Variants in SLC9A9 observed in about 807,000 individuals in gnomAD.
SLC9A9 encodes the protein sodium/hydrogen exchanger 9.
Under a neutral mutation model 77.8 loss-of-function variants are expected in SLC9A9, and 62 were observed. The observed-to-expected ratio is 0.80, with a 90% CI of 0.65 to 0.98. SLC9A9 has a LOEUF of 0.98. Ranked by LOEUF, SLC9A9 falls within the 50% of genes least tolerant of loss-of-function variation. The pLI, the probability that SLC9A9 is intolerant of heterozygous loss-of-function variation, is 0.00. For missense variants in SLC9A9, 775 were observed against 774.9 expected (o/e 1.00, Z 0.00); for synonymous variants, 320 against 283.5 (o/e 1.13, Z -1.29).
At chr3:143,652,122 G>T in intron 6 of SLC9A9, 133 bp downstream of exon 6, 1 of 725,412 alleles carries the variant, frequency 1.4e-6, no homozygotes, top group Non-Finnish European at 2.4e-6. Flanking sequence ...TGCCCATTAT[G>T]GAAATTTTCT....
chr3:143,795,450 A>G (rs1306881022), intron 3 of SLC9A9, among the ~76,000 whole-genome samples: 1 of 150,448 alleles, frequency 6.6e-6, no homozygotes, highest in Non-Finnish European at 1.5e-5. Flanking sequence ...TGTAAATGCA[A>G]TTCCTTTAGC....
At chr3:143,364,917 C>T (rs1213581523) in intron 13 of SLC9A9, among the ~76,000 whole-genome samples, 4 of 152,142 alleles carry the variant, frequency 2.6e-5, no homozygotes, top group Admixed American at 6.5e-5. Flanking sequence ...AAATTCTGTG[C>T]TAATCATTCA....
chr3:143,398,014 A>C (rs781408382), intron 12 of SLC9A9, among the ~76,000 whole-genome samples: 1 of 152,200 alleles, frequency 6.6e-6, no homozygotes, highest in Non-Finnish European at 1.5e-5. Context: ...AGAAGGCAAC[A>C]ACAAAGTTTT....
At chr3:143,845,224 C>G (rs1362786236) in intron 1 of SLC9A9, among the ~76,000 whole-genome samples, 2 of 152,156 alleles carry the variant, frequency 1.3e-5, no homozygotes, top group African/African-American at 2.4e-5. Flanking sequence ...ATTTGTTTGT[C>G]TGCAAAATGA....
In SLC9A9 at chr3:143,266,621, C is replaced by T; in HGVS notation, c.*81G>A. The T allele has an allele frequency of 7.1e-7, 1 of 1,412,790 alleles. No homozygotes were observed. The highest frequency in any genetic ancestry group is 1.0e-6 in the Non-Finnish European group (1 of 1,003,746). The allele number at this position is 1,412,790 out of a possible 1,614,324, so 87.5% of individuals were successfully genotyped here. On this transcript the variant is annotated 3_prime_UTR_variant, in exon 16 of 16. Coordinates refer to ENST00000316549, the MANE Select transcript of SLC9A9 (RefSeq NM_173653.4). ...CTTAATATGTTTTCCAGCCTCTCCC[C>T]TGTACTGCCTCATCAGCTTGGCTTG...
chr3:143,749,518 T>C (rs994348178), intron 4 of SLC9A9, among the ~76,000 whole-genome samples: 1 of 152,202 alleles, frequency 6.6e-6, no homozygotes, highest in Admixed American at 6.5e-5. Flanking sequence ...CATTCCACTT[T>C]ATAAGGACTA....
At chr3:143,563,024 A>G (rs1194681775) in intron 8 of SLC9A9, among the ~76,000 whole-genome samples, 1 of 152,162 alleles carries the variant, frequency 6.6e-6, no homozygotes. Flanking sequence ...GTGGTGGGTA[A>G]GAGCCCAAAG....
intron 3 of SLC9A9, among the ~76,000 whole-genome samples, 182 bp from the exon 4 acceptor site, chr3:143,795,259 T>C (rs1576731463): frequency 8.2e-6 from 1 of 122,604 alleles, no homozygotes; most frequent in South Asian, 2.8e-4. Context: ...TGCAAAGGAC[T>C]GGAGGGAAAA....
At chr3:143,798,627 C>T (rs563440223) in intron 2 of SLC9A9, among the ~76,000 whole-genome samples, 1 of 152,330 alleles carries the variant, frequency 6.6e-6, no homozygotes, top group African/African-American at 2.4e-5. Context: ...TGCAACACCA[C>T]TTGACCCCAG....
chr3:143,605,752 A>G (rs2037911428), intron 6 of SLC9A9, among the ~76,000 whole-genome samples: 1 of 152,218 alleles, frequency 6.6e-6, no homozygotes, highest in South Asian at 2.1e-4. Context: ...CGGTGACCTT[A>G]TGACATCACT....
chr3:143,440,778 C>T (rs1038919269), intron 12 of SLC9A9, among the ~76,000 whole-genome samples: 1 of 152,204 alleles, frequency 6.6e-6, no homozygotes, highest in Non-Finnish European at 1.5e-5. Context: ...CCCAAAGGAG[C>T]TTTGCTGGTA....
chr3:143,403,357 AT>A (rs1456635577), intron 12 of SLC9A9, among the ~76,000 whole-genome samples: 1 of 151,952 alleles, frequency 6.6e-6, no homozygotes, highest in Non-Finnish European at 1.5e-5. Flanking sequence ...ACACAATTGA[AT>A]TTTATATTGT....
At chr3:143,497,293 T>G (rs1250761936) in intron 9 of SLC9A9, among the ~76,000 whole-genome samples, 1 of 152,160 alleles carries the variant, frequency 6.6e-6, no homozygotes, top group Admixed American at 6.6e-5. Context: ...TTTAATGGCC[T>G]TACTCCAATT....
intron 14 of SLC9A9, among the ~76,000 whole-genome samples, chr3:143,315,275 C>T (rs2031168393): frequency 6.6e-6 from 1 of 152,222 alleles, no homozygotes; most frequent in African/African-American, 2.4e-5. Context: ...TTATACTGGA[C>T]ACACATTAGC....
intron 12 of SLC9A9, among the ~76,000 whole-genome samples, chr3:143,449,979 T>A (rs1576506124): frequency 1.8e-5 from 1 of 57,102 alleles, no homozygotes; most frequent in African/African-American, 1.4e-4. Flanking sequence ...TAATATATAT[T>A]ATATGTATAT....
At chr3:143,320,775 A>AC (rs1576422933) in intron 14 of SLC9A9, among the ~76,000 whole-genome samples, 1 of 152,176 alleles carries the variant, frequency 6.6e-6, no homozygotes, top group Non-Finnish European at 1.5e-5. Context: ...TCAAGCCTTA[A>AC]CCCCTAATAC....
chr3:143,811,848 A>C, intron 2 of SLC9A9: 1 of 335,610 alleles, frequency 3.0e-6, no homozygotes, highest in Non-Finnish European at 5.8e-6. Flanking sequence ...GGTGACAGAG[A>C]GAGATCTTGT....
intron 4 of SLC9A9, among the ~76,000 whole-genome samples, chr3:143,793,029 C>A (rs953144745): frequency 6.6e-6 from 1 of 152,146 alleles, no homozygotes; most frequent in Non-Finnish European, 1.5e-5. Flanking sequence ...AAAGTAACTA[C>A]AAATTTTTGT....
chr3:143,745,630 T>G (rs1025622645), intron 4 of SLC9A9, among the ~76,000 whole-genome samples: 1 of 152,192 alleles, frequency 6.6e-6, no homozygotes, highest in Non-Finnish European at 1.5e-5. Context: ...TGTGTATTTT[T>G]TGGAAATTCT....
Sources: allele counts gnomAD v4.1 joint callset (sites outside exome capture counted in the v4.1 genomes callset), GRCh38; gene constraint gnomAD v4.1.1; transcripts MANE v1.5; gene names NCBI Gene and HGNC (gene_info 2026-07-23, HGNC 2026-07-21).